NBAS: variants seen among roughly 807,000 people sequenced by gnomAD.
The protein encoded by NBAS is NBAS subunit of NRZ tethering complex.
A neutral mutation model predicts 302.5 loss-of-function variants in NBAS; 219 were observed. The observed-to-expected ratio is 0.72, with a 90% CI of 0.65 to 0.81. The LOEUF (loss-of-function observed/expected upper bound fraction) is 0.81. NBAS is among the 30% of genes least tolerant of loss of function. The pLI is 0.00. For missense variants in NBAS, 2,932 were observed against 2,841.6 expected (o/e 1.03, Z -0.72); for synonymous variants, 1,118 against 1,021.6 (o/e 1.09, Z -1.80).
chr2:14,915,927 G>T, the NBAS span, among the ~76,000 whole-genome samples: 3 of 152,098 alleles, frequency 2.0e-5, no homozygotes, highest in Non-Finnish European at 2.9e-5. Context: ...ATCTACATAA[G>T]ATGTGACTTG....
the NBAS span, among the ~76,000 whole-genome samples, chr2:14,846,256 A>G: frequency 6.6e-6 from 1 of 152,186 alleles, no homozygotes; most frequent in Non-Finnish European, 1.5e-5. Flanking sequence ...GGTATGACAC[A>G]TTCAAAATGC....
chr2:15,428,655 C>T (rs1677600819), intron 21 of NBAS, among the ~76,000 whole-genome samples: 1 of 152,082 alleles, frequency 6.6e-6, no homozygotes, highest in Non-Finnish European at 1.5e-5. Context: ...AGGAGGATCG[C>T]TTGAGCCCTA....
intron 44 of NBAS, among the ~76,000 whole-genome samples, chr2:15,270,324 C>T (rs1193380858): frequency 2.0e-5 from 3 of 152,088 alleles, no homozygotes; most frequent in Middle Eastern, 3.4e-3. Context: ...GCCATCATGC[C>T]CAGCTAATTT....
At chr2:14,929,376 GTTTTGTT>G in the NBAS span, among the ~76,000 whole-genome samples, 6 of 64,844 alleles carry the variant, frequency 9.3e-5, no homozygotes, top group Non-Finnish European at 1.6e-4. Context: ...AGTATATTAT[GTTTTGTT>G]TTGTTTTGTT....
At chr2:14,857,423 T>G in the NBAS span, among the ~76,000 whole-genome samples, 1 of 152,048 alleles carries the variant, frequency 6.6e-6, no homozygotes, top group Non-Finnish European at 1.5e-5. Context: ...GACTTTAAAT[T>G]ATACTACAGA....
intron 30 of NBAS, among the ~76,000 whole-genome samples, chr2:15,377,589 G>A (rs754776569): frequency 2.0e-5 from 3 of 152,154 alleles, no homozygotes; most frequent in Non-Finnish European, 2.9e-5. Context: ...CCTGTTAGCT[G>A]GAAAAAAGTG....
At position 15,259,555 on chromosome 2, in the gene NBAS, G is replaced by A. The variant is rs185671519; in HGVS notation, c.5724+15929C>T. Among the ~76,000 whole-genome samples the A allele has an allele frequency of 7.9e-5, 12 of 152,292 alleles. No homozygotes were observed. The South Asian group carries it at 1.4e-3, about 18-fold the overall frequency. ...AATCCTTTCTCTGTCCCTTTGAGATGTAAATCTTCTACCACCTAGTGTGTT... is the reference window on the plus strand; with the variant it reads ...AATCCTTTCTCTGTCCCTTTGAGATATAAATCTTCTACCACCTAGTGTGTT... On this transcript the variant is annotated intron_variant, in intron 44 of 51. Transcript: ENST00000281513.
intron 28 of NBAS, among the ~76,000 whole-genome samples, chr2:15,390,386 A>T (rs1449611668): frequency 1.3e-5 from 2 of 152,220 alleles, no homozygotes; most frequent in Non-Finnish European, 2.9e-5. Flanking sequence ...TACATGTAAA[A>T]TTTTTAAAAA....
the NBAS span, among the ~76,000 whole-genome samples, chr2:15,102,698 C>G: frequency 2.6e-5 from 4 of 152,140 alleles, no homozygotes; most frequent in Non-Finnish European, 4.4e-5. Flanking sequence ...ACCTTAAGCT[C>G]TTTCCAACAC....
the NBAS span, among the ~76,000 whole-genome samples, chr2:15,073,231 C>T: frequency 6.6e-6 from 1 of 152,328 alleles, no homozygotes; most frequent in Admixed American, 6.5e-5. Flanking sequence ...GTAATCCCAA[C>T]ACTTTGGGAA....
At chr2:15,099,968 G>A in the NBAS span, among the ~76,000 whole-genome samples, 1 of 152,210 alleles carries the variant, frequency 6.6e-6, no homozygotes, top group South Asian at 2.1e-4. Context: ...TAGAACACAT[G>A]TAGTACCAAT....
At chr2:14,890,376 C>CA in the NBAS span, among the ~76,000 whole-genome samples, 6 of 151,682 alleles carry the variant, frequency 4.0e-5, no homozygotes, top group East Asian at 1.9e-4. Context: ...AATGGCCTTA[C>CA]AAAAAAAATA....
chr2:14,964,212 A>G, the NBAS span, among the ~76,000 whole-genome samples: 3 of 152,232 alleles, frequency 2.0e-5, no homozygotes, highest in East Asian at 1.9e-4. Flanking sequence ...ATAAATAGAA[A>G]CCATCCAGAA....
chr2:15,320,096 T>G (rs1671725282), intron 38 of NBAS, among the ~76,000 whole-genome samples: 1 of 152,066 alleles, frequency 6.6e-6, no homozygotes, highest in South Asian at 2.1e-4. Context: ...GTTCAACATA[T>G]GCAAATCAAT....
the NBAS span, among the ~76,000 whole-genome samples, chr2:14,934,215 A>G: frequency 6.6e-6 from 1 of 152,180 alleles, no homozygotes; most frequent in African/African-American, 2.4e-5. Context: ...ACTCCCTAAA[A>G]GCAATCACTA....
the NBAS span, among the ~76,000 whole-genome samples, chr2:15,005,830 C>A: frequency 2.0e-5 from 3 of 151,982 alleles, no homozygotes; most frequent in Non-Finnish European, 4.4e-5. Flanking sequence ...ACCATATTGC[C>A]GTAGTTTTCA....
At chr2:15,438,705 A>T (rs1452769059) in intron 21 of NBAS, among the ~76,000 whole-genome samples, 1 of 152,232 alleles carries the variant, frequency 6.6e-6, no homozygotes, top group Non-Finnish European at 1.5e-5. Flanking sequence ...CAGAGTTTGA[A>T]AGTCAGAGAG....
intron 44 of NBAS, among the ~76,000 whole-genome samples, chr2:15,240,420 G>A (rs1205980269): frequency 7.1e-6 from 1 of 141,198 alleles, no homozygotes; most frequent in African/African-American, 2.7e-5. Context: ...GGCTAACATG[G>A]TGAAACCCCG....
rs146970418 is a variant in NBAS at position 15,503,725 on chromosome 2, T to C, written c.954+420A>G. On this transcript the variant is annotated intron_variant, in intron 11 of 51. Transcript: ENST00000281513. ...CTAGGGTCAGGAGGCACATTTCTTC[T>C]TGGAGCATCAGTAATCTCAGATTTG... Among the ~76,000 whole-genome samples the C allele has an allele frequency of 4.6e-5, 7 of 152,324 alleles. No individual in the cohort carries two copies. In the South Asian group the frequency reaches 1.0e-3, roughly 23 times the overall value.
Sources: gnomAD v4.1 joint callset for allele counts (sites outside exome capture counted in the v4.1 genomes callset) on GRCh38, gnomAD v4.1.1 for gene constraint, MANE v1.5 for transcripts, NCBI Gene and HGNC (gene_info 2026-07-23, HGNC 2026-07-21) for gene names.